The following ASIC2 variants were observed in gnomAD, a reference collection of about 807,000 sequenced individuals.
ASIC2 encodes the protein acid-sensing ion channel 2.
ASIC2 carries 25 observed loss-of-function variants against 57.3 expected under a neutral mutation model. The ratio of observed to expected loss-of-function variants is 0.44; its 90% confidence interval spans 0.32 to 0.61. ASIC2 has a LOEUF of 0.61. Ranked by LOEUF, ASIC2 falls within the 20% of genes least tolerant of loss-of-function variation. The pLI is 0.06. For missense variants in ASIC2, 641 were observed against 738.1 expected (o/e 0.87, Z 1.52); for synonymous variants, 319 against 307.5 (o/e 1.04, Z -0.39).
chr17:33,084,189 C>T (rs1437944971), intron 3 of ASIC2, among the ~76,000 whole-genome samples: 2 of 152,142 alleles, frequency 1.3e-5, no homozygotes. Flanking sequence ...TGCTAGAGGT[C>T]ATTTGAAGTC....
At chr17:33,764,016 G>T (rs559446849) in intron 1 of ASIC2, among the ~76,000 whole-genome samples, 5 of 152,134 alleles carry the variant, frequency 3.3e-5, no homozygotes, top group African/African-American at 4.8e-5. Context: ...GATTTCGGCC[G>T]GGTGCCGTGG....
chr17:33,110,497 C>A (rs948795634), intron 2 of ASIC2, among the ~76,000 whole-genome samples: 2 of 152,184 alleles, frequency 1.3e-5, no homozygotes, highest in Admixed American at 1.3e-4. Flanking sequence ...GGTGCCCTGG[C>A]GCCTGAGGTG....
At chr17:33,103,954 CCT>C (rs1263095683) in intron 2 of ASIC2, among the ~76,000 whole-genome samples, 1 of 152,184 alleles carries the variant, frequency 6.6e-6, no homozygotes, top group Non-Finnish European at 1.5e-5. Context: ...TTTACCTCCA[CCT>C]CTCAAACCTG....
intron 1 of ASIC2, among the ~76,000 whole-genome samples, chr17:33,394,986 TATCC>T (rs1466244533): frequency 3.3e-5 from 5 of 151,314 alleles, no homozygotes; most frequent in Non-Finnish European, 7.4e-5. Flanking sequence ...CCCATCCATC[TATCC>T]ATCCATCCCT....
At chr17:33,913,507 C>T (rs1915513377) in intron 1 of ASIC2, among the ~76,000 whole-genome samples, 1 of 152,168 alleles carries the variant, frequency 6.6e-6, no homozygotes. Flanking sequence ...CCCTTTAGCC[C>T]ATGCCAATTC....
At chr17:33,904,163 CAAAAAAAAAAAA>C (rs769795292) in intron 1 of ASIC2, among the ~76,000 whole-genome samples, 4 of 55,856 alleles carry the variant, frequency 7.2e-5, no homozygotes, top group Non-Finnish European at 1.2e-4. Context: ...AACTCCGTCT[CAAAAAAAAAAAA>C]AAAAAAAAAA....
chr17:33,917,905 C>A (rs1915621265), intron 1 of ASIC2, among the ~76,000 whole-genome samples: 1 of 150,068 alleles, frequency 6.7e-6, no homozygotes. Context: ...CACACACACA[C>A]ACACACACAG....
intron 3 of ASIC2, among the ~76,000 whole-genome samples, chr17:33,082,389 G>C (rs1352429939): frequency 1.3e-5 from 2 of 152,114 alleles, no homozygotes; most frequent in Non-Finnish European, 2.9e-5. Context: ...ATGATGAAAG[G>C]CTTCTGATAT....
chr17:33,941,546 A>G (rs1408501246), intron 1 of ASIC2, among the ~76,000 whole-genome samples: 1 of 152,178 alleles, frequency 6.6e-6, no homozygotes, highest in African/African-American at 2.4e-5. Flanking sequence ...AGACTTAGAG[A>G]TGCAGCTATA....
chr17:33,283,105 T>C (rs999434512), intron 1 of ASIC2, among the ~76,000 whole-genome samples: 1 of 152,232 alleles, frequency 6.6e-6, no homozygotes, highest in Non-Finnish European at 1.5e-5. Flanking sequence ...GGCAGAGGGC[T>C]TCCCCCAGAG....
chr17:34,049,402 C>T (rs1908461236), intron 1 of ASIC2, among the ~76,000 whole-genome samples: 1 of 152,136 alleles, frequency 6.6e-6, no homozygotes, highest in African/African-American at 2.4e-5. Flanking sequence ...GTCCAAATGG[C>T]CCAAGGTTCT....
At chr17:33,177,570 T>C (rs1203060194) in intron 1 of ASIC2, among the ~76,000 whole-genome samples, 1 of 152,136 alleles carries the variant, frequency 6.6e-6, no homozygotes, top group African/African-American at 2.4e-5. Flanking sequence ...TCGGGATATA[T>C]GACCCACATT....
At chr17:33,573,842 T>G (rs553618624) in intron 1 of ASIC2, among the ~76,000 whole-genome samples, 1 of 152,326 alleles carries the variant, frequency 6.6e-6, no homozygotes, top group African/African-American at 2.4e-5. Context: ...CTAGAATTAC[T>G]GACATGAGCC....
chr17:33,243,594 G>A (rs1001825759), intron 1 of ASIC2, among the ~76,000 whole-genome samples: 8 of 152,148 alleles, frequency 5.3e-5, no homozygotes, highest in African/African-American at 1.9e-4. Flanking sequence ...GTAATTGTGT[G>A]TGGAATAGAC....
chr17:34,006,003 C>G (rs1428471080), intron 1 of ASIC2: 1 of 152,202 alleles, frequency 6.6e-6, no homozygotes, highest in African/African-American at 2.4e-5. Context: ...GGTGAATAAA[C>G]AATCATGGCT....
chr17:33,127,179 C>T (rs2092326992), intron 1 of ASIC2, among the ~76,000 whole-genome samples: 1 of 152,184 alleles, frequency 6.6e-6, no homozygotes, highest in Admixed American at 6.5e-5. Context: ...GCAACCCTAC[C>T]ATTACTCTTG....
At chr17:33,240,569 G>A (rs540864474) in intron 1 of ASIC2, among the ~76,000 whole-genome samples, 1 of 152,362 alleles carries the variant, frequency 6.6e-6, no homozygotes, top group South Asian at 2.1e-4. Flanking sequence ...CAGACGTGGA[G>A]TTCTTTGTCT....
intron 1 of ASIC2, among the ~76,000 whole-genome samples, chr17:33,466,945 A>G (rs1361595514): frequency 2.0e-5 from 3 of 152,242 alleles, no homozygotes; most frequent in Non-Finnish European, 4.4e-5. Context: ...CAAGGACTTC[A>G]TGACTAAAAC....
chr17:33,345,135 C>T (rs1249970083), intron 1 of ASIC2, among the ~76,000 whole-genome samples: 1 of 152,152 alleles, frequency 6.6e-6, no homozygotes, highest in African/African-American at 2.4e-5. Flanking sequence ...TAGTAAGTGT[C>T]CATTTGCATT....
Sources: gnomAD v4.1 joint callset for allele counts (sites outside exome capture counted in the v4.1 genomes callset) on GRCh38, gnomAD v4.1.1 for gene constraint, MANE v1.5 for transcripts, NCBI Gene and HGNC (gene_info 2026-07-23, HGNC 2026-07-21) for gene names.